Variants in MAP3K8 observed in about 807,000 individuals in gnomAD.
MAP3K8 encodes mitogen-activated protein kinase kinase kinase 8.
MAP3K8 carries 22 observed loss-of-function variants against 45.8 expected under a neutral mutation model. The observed-to-expected ratio is 0.48, with a 90% confidence interval of 0.34 to 0.69. MAP3K8 has a LOEUF of 0.69. Among genes scored for constraint, MAP3K8 ranks in the 30% least tolerant of loss-of-function variants. MAP3K8 has a pLI of 0.01. For missense variants in MAP3K8, 419 were observed against 585.0 expected (o/e 0.72, Z 2.93); for synonymous variants, 223 against 214.3 (o/e 1.04, Z -0.36).
At chr10:30,445,034 C>G (rs1836266953) in intron 3 of MAP3K8, among the ~76,000 whole-genome samples, 1 of 152,192 alleles carries the variant, frequency 6.6e-6, no homozygotes, top group Non-Finnish European at 1.5e-5. Context: ...CATTGCTGTA[C>G]TTAGAACTCA....
intron 7 of MAP3K8, 32 bp downstream of exon 7, chr10:30,458,268 C>CGGGGTGGGGGGGGGGG: frequency 2.3e-6 from 1 of 439,434 alleles, no homozygotes; most frequent in Non-Finnish European, 3.7e-6. Flanking sequence ...CTGGGGGCGG[C>CGGGGTGGGGGGGGGGG]GGGGGGGGGC....
In MAP3K8 at chr10:30,450,535, C is replaced by T. The variant is rs1452752330; in HGVS notation, c.766+16C>T. Reference sequence around the variant, plus strand: ...GATATTAAACGTAAGTATCTTTGGACATATACCTTTTTGGCTCAAAGAGAC... The same window carrying T: ...GATATTAAACGTAAGTATCTTTGGATATATACCTTTTTGGCTCAAAGAGAC... On this transcript the variant is annotated intron_variant, in intron 5 of 8. Coordinates refer to ENST00000263056, the MANE Select transcript of MAP3K8 (RefSeq NM_005204.4). 1 of 1,612,558 alleles carries T rather than the reference C, an allele frequency of 6.2e-7. No homozygotes were observed. Among genetic ancestry groups the T allele is most frequent in the South Asian group, 1.1e-5 (1 of 91,016 alleles).
Position 30,434,524 on chromosome 10 carries a change from C to G in MAP3K8, c.-255+146C>G. ...AGAGGTGGGGGCGTGCCCACAGCTG[C>G]GCTCGCGGGTCGCCGGCTGCACCAG... On this transcript the variant is annotated intron_variant, in intron 1 of 8. Coordinates refer to ENST00000263056, the MANE Select transcript of MAP3K8 (RefSeq NM_005204.4). 5.1e-6 allele frequency: 5 copies of G among 985,744 alleles called. No individual in the cohort carries two copies. The South Asian group carries it at 2.3e-4, about 46-fold the overall frequency. The allele number at this position is 985,744 out of a possible 1,614,324, so 61.1% of individuals were successfully genotyped here.
intron 3 of MAP3K8, among the ~76,000 whole-genome samples, chr10:30,441,261 A>T (rs1203993034): frequency 6.6e-6 from 1 of 152,004 alleles, no homozygotes; most frequent in Non-Finnish European, 1.5e-5. Flanking sequence ...GGTTCAAGCA[A>T]TTCCTCTGCC....
intron 6 of MAP3K8, among the ~76,000 whole-genome samples, chr10:30,455,344 G>A (rs1054174034): frequency 1.3e-5 from 2 of 152,184 alleles, no homozygotes; most frequent in East Asian, 3.8e-4. Flanking sequence ...CAGACTGGCT[G>A]ATGTTAGAAT....
At chr10:30,446,534 C>CAAAAAAAA (rs5784199) in intron 3 of MAP3K8, among the ~76,000 whole-genome samples, 6 of 89,210 alleles carry the variant, frequency 6.7e-5, no homozygotes, top group African/African-American at 2.4e-4. Context: ...GACTCCATCT[C>CAAAAAAAA]AAAAAAAAAA....
intron 6 of MAP3K8, among the ~76,000 whole-genome samples, chr10:30,454,438 C>T (rs1029379364): frequency 2.0e-5 from 3 of 151,988 alleles, no homozygotes; most frequent in Non-Finnish European, 2.9e-5. Flanking sequence ...CATGGTGGTG[C>T]ATGTCTGTAG....
chr10:30,447,541 C>T (rs1275797241), intron 3 of MAP3K8, among the ~76,000 whole-genome samples: 1 of 152,196 alleles, frequency 6.6e-6, no homozygotes, highest in African/African-American at 2.4e-5. Context: ...ATTAATTACT[C>T]ATGAGTAGGT....
intron 3 of MAP3K8, among the ~76,000 whole-genome samples, chr10:30,444,768 C>T (rs1314686889): frequency 1.3e-5 from 2 of 152,142 alleles, no homozygotes; most frequent in Non-Finnish European, 2.9e-5. Context: ...TTTTATAACC[C>T]GGCATTTAAT....
chr10:30,454,873 G>T (rs940699016), intron 6 of MAP3K8, among the ~76,000 whole-genome samples: 3 of 151,896 alleles, frequency 2.0e-5, no homozygotes, highest in Non-Finnish European at 4.4e-5. Flanking sequence ...AGCATATTTG[G>T]CATTAGTCAG....
At chr10:30,439,692 C>G (rs1836034748) in intron 3 of MAP3K8, among the ~76,000 whole-genome samples, 1 of 152,136 alleles carries the variant, frequency 6.6e-6, no homozygotes, top group Non-Finnish European at 1.5e-5. Context: ...GCCTGTAATT[C>G]CAGCTACCTG....
chr10:30,447,521 C>A (rs1265286042), intron 3 of MAP3K8, among the ~76,000 whole-genome samples: 1 of 152,156 alleles, frequency 6.6e-6, no homozygotes, highest in African/African-American at 2.4e-5. Context: ...TTTTAAAGTT[C>A]TATTTGGCAA....
chr10:30,450,644 C>A, intron 5 of MAP3K8, 125 bp downstream of exon 5: 1 of 746,228 alleles, frequency 1.3e-6, no homozygotes, highest in South Asian at 1.7e-5. Flanking sequence ...GAGCACCGTC[C>A]GTCTTCCTTC....
chr10:30,436,522 T>A (rs1442167588), intron 1 of MAP3K8, among the ~76,000 whole-genome samples: 1 of 152,148 alleles, frequency 6.6e-6, no homozygotes, highest in African/African-American at 2.4e-5. Flanking sequence ...TTGTGTGTGT[T>A]CAAGCTCTTG....
intron 3 of MAP3K8, among the ~76,000 whole-genome samples, chr10:30,439,915 G>A (rs1413644351): frequency 6.6e-6 from 1 of 152,212 alleles, no homozygotes; most frequent in Non-Finnish European, 1.5e-5. Context: ...TCTGAGAGGG[G>A]AATAAACACT....
intron 3 of MAP3K8, among the ~76,000 whole-genome samples, chr10:30,444,617 G>C (rs2132797491): frequency 6.6e-6 from 1 of 152,302 alleles, no homozygotes; most frequent in South Asian, 2.1e-4. Context: ...GAACTCATAG[G>C]CATTGAAAGC....
In MAP3K8 at chr10:30,450,509, T is replaced by C. The variant is rs1464855380; in HGVS notation, c.756T>C (p.His252=). ...DFLHSKKVIH[H]DIKPSNIVFM... ...TACACTCAAAGAAAGTGATCCATCATGATATTAAACGTAAGTATCTTTGGA... is the reference window on the plus strand; with the variant it reads ...TACACTCAAAGAAAGTGATCCATCACGATATTAAACGTAAGTATCTTTGGA... The change falls in exon 5 of 9, where the codon CAT becomes CAC. Residue 252 remains histidine (H), a synonymous_variant. Coordinates refer to ENST00000263056, the MANE Select transcript of MAP3K8 (RefSeq NM_005204.4). 1.9e-6 allele frequency: 3 copies of C among 1,614,106 alleles called. No homozygotes were observed. Among genetic ancestry groups the C allele is most frequent in the Non-Finnish European group, 2.5e-6 (3 of 1,179,962 alleles).
chr10:30,445,049 A>T (rs980268135), intron 3 of MAP3K8, among the ~76,000 whole-genome samples: 2 of 152,172 alleles, frequency 1.3e-5, no homozygotes, highest in African/African-American at 4.8e-5. Flanking sequence ...AACTCAACAA[A>T]TGGCTGAAAT....
At chr10:30,450,046 T>C (rs929039501) in intron 4 of MAP3K8, among the ~76,000 whole-genome samples, 1 of 152,246 alleles carries the variant, frequency 6.6e-6, no homozygotes, top group African/African-American at 2.4e-5. Flanking sequence ...TTTTTTATTT[T>C]CTTGTTCTGA....
Sources: allele counts gnomAD v4.1 joint callset (sites outside exome capture counted in the v4.1 genomes callset), GRCh38; gene constraint gnomAD v4.1.1; transcripts MANE v1.5; gene names NCBI Gene and HGNC (gene_info 2026-07-23, HGNC 2026-07-21).